The following ATXN1 variants were observed in gnomAD, a reference collection of about 807,000 sequenced individuals.
The protein encoded by ATXN1 is ataxin-1.
Under a neutral mutation model 56.4 loss-of-function variants are expected in ATXN1, and 8 were observed. The observed-to-expected ratio is 0.14, with a 90% confidence interval of 0.08 to 0.26. ATXN1 has a LOEUF of 0.26. ATXN1 is among the 10% of genes least tolerant of loss of function. The pLI is 1.00. For synonymous variants in ATXN1, 514 were observed against 494.6 expected (o/e 1.04, Z -0.52); for missense variants, 987 against 1,106.5 (o/e 0.89, Z 1.53).
intron 6 of ATXN1, among the ~76,000 whole-genome samples, chr6:16,474,814 C>A (rs1202320609): frequency 6.6e-6 from 1 of 150,692 alleles, no homozygotes; most frequent in African/African-American, 2.4e-5. Flanking sequence ...AGGTGCCTAG[C>A]CTGTAGCATA....
chr6:16,445,100 C>T (rs1759605727), intron 6 of ATXN1, among the ~76,000 whole-genome samples: 1 of 152,132 alleles, frequency 6.6e-6, no homozygotes, highest in South Asian at 2.1e-4. Context: ...ACCGAAATGA[C>T]CTTTATTTGG....
At chr6:16,660,826 G>GTTTTTTTT (rs1167182460) in intron 2 of ATXN1, among the ~76,000 whole-genome samples, 7 of 108,092 alleles carry the variant, frequency 6.5e-5, no homozygotes, top group Admixed American at 1.8e-4. Context: ...GGTTTATTTT[G>GTTTTTTTT]TTTTGGTTTT....
chr6:16,747,936 C>T (rs746098125), intron 2 of ATXN1, among the ~76,000 whole-genome samples: 13 of 152,166 alleles, frequency 8.5e-5, no homozygotes, highest in Admixed American at 1.3e-4. Context: ...TTGCGTTCAG[C>T]GCCACACCAC....
rs1002952414 is a variant in ATXN1 at position 16,719,991 on chromosome 6, A to T, written c.-615+33242T>A. Among the ~76,000 whole-genome samples, 7 of 152,282 alleles carry T rather than the reference A, an allele frequency of 4.6e-5. No homozygotes were observed. The East Asian group carries it at 1.3e-3, about 29-fold the overall frequency. On this transcript the variant is annotated intron_variant, in intron 2 of 7. Transcript: ENST00000436367. ...TAACCCACCAAGTTTCTGGTAATTT[A>T]TTAGAGCAGCCCTGGAAAACTAACA... is the stretch of plus-strand genomic sequence containing the variant.
At chr6:16,483,017 C>T (rs1760470894) in intron 6 of ATXN1, among the ~76,000 whole-genome samples, 1 of 151,972 alleles carries the variant, frequency 6.6e-6, no homozygotes, top group Non-Finnish European at 1.5e-5. Flanking sequence ...AAAATGAGTC[C>T]CCATGGTAGA....
chr6:16,585,775 T>C lies in ATXN1; in HGVS notation c.-361+5A>G, dbSNP rs1017554479. ...TTTTCCTTTAAAGCTTTTGGAGATG[T>C]TTACCTGTACCATGTGCTTTCATCA... On this transcript the variant is annotated splice_donor_5th_base_variant and intron_variant, in intron 4 of 7. Transcript: ENST00000436367. The C allele has an allele frequency of 3.3e-5, 5 of 152,184 alleles. No individual in the cohort carries two copies. The highest frequency in any genetic ancestry group is 1.2e-4 in the African/African-American group (5 of 41,440). The allele number at this position is 152,184 out of a possible 1,614,324, so 9.4% of individuals were successfully genotyped here. A position where few individuals can be genotyped will look rare whatever the true frequency, so the allele number is the denominator to read the frequency against.
At chr6:16,536,558 G>T (rs1257200284) in intron 4 of ATXN1, among the ~76,000 whole-genome samples, 2 of 152,162 alleles carry the variant, frequency 1.3e-5, no homozygotes, top group Non-Finnish European at 2.9e-5. Flanking sequence ...TCCCAGGAAA[G>T]ATTTATTTAG....
At chr6:16,719,895 T>C (rs1322899266) in intron 2 of ATXN1, among the ~76,000 whole-genome samples, 1 of 151,838 alleles carries the variant, frequency 6.6e-6, no homozygotes, top group Non-Finnish European at 1.5e-5. Context: ...CGGGAGGGAG[T>C]GTGGCCCGGC....
intron 5 of ATXN1, among the ~76,000 whole-genome samples, chr6:16,490,778 G>A (rs1033641092): frequency 6.6e-6 from 1 of 152,192 alleles, no homozygotes; most frequent in Non-Finnish European, 1.5e-5. Flanking sequence ...TATGACCCAG[G>A]TCTGGGCAAT....
intron 4 of ATXN1, among the ~76,000 whole-genome samples, chr6:16,569,696 G>A (rs1762296559): frequency 6.6e-6 from 1 of 152,060 alleles, no homozygotes; most frequent in Admixed American, 6.5e-5. Flanking sequence ...GGCAGAAACT[G>A]GTTAGTTGTT....
intron 4 of ATXN1, among the ~76,000 whole-genome samples, chr6:16,582,838 G>C (rs886689587): frequency 3.9e-5 from 6 of 152,140 alleles, no homozygotes; most frequent in Admixed American, 1.3e-4. Flanking sequence ...TGATTTTGTA[G>C]TTTGGGAGGA....
chr6:16,631,142 T>C (rs1763496879), intron 3 of ATXN1, among the ~76,000 whole-genome samples: 1 of 152,184 alleles, frequency 6.6e-6, no homozygotes, highest in South Asian at 2.1e-4. Flanking sequence ...TATTCATGTT[T>C]TAAAGCTGAG....
chr6:16,403,496 G>C (rs1758623733), intron 6 of ATXN1, among the ~76,000 whole-genome samples: 1 of 152,174 alleles, frequency 6.6e-6, no homozygotes, highest in Non-Finnish European at 1.5e-5. Context: ...GACTACAGAT[G>C]CATGCCAATA....
intron 5 of ATXN1, among the ~76,000 whole-genome samples, chr6:16,516,380 G>T (rs1293888317): frequency 6.6e-6 from 1 of 152,174 alleles, no homozygotes; most frequent in East Asian, 1.9e-4. Context: ...TATACAAAAA[G>T]CTAAAAGCCA....
At chr6:16,403,329 GA>G (rs1758619579) in intron 6 of ATXN1, among the ~76,000 whole-genome samples, 1 of 152,170 alleles carries the variant, frequency 6.6e-6, no homozygotes. Context: ...CGTTTTCTAA[GA>G]AGAGGAAGTT....
chr6:16,415,304 A>G (rs1397651389), intron 6 of ATXN1, among the ~76,000 whole-genome samples: 1 of 152,102 alleles, frequency 6.6e-6, no homozygotes, highest in African/African-American at 2.4e-5. Flanking sequence ...ATCTCGGCTC[A>G]CTGCAACCTC....
chr6:16,600,322 T>C (rs2113779577), intron 3 of ATXN1, among the ~76,000 whole-genome samples: 1 of 152,338 alleles, frequency 6.6e-6, no homozygotes, highest in African/African-American at 2.4e-5. Flanking sequence ...AACACATCAC[T>C]GATTACATTC....
intron 6 of ATXN1, among the ~76,000 whole-genome samples, chr6:16,331,434 A>C (rs563998787): frequency 3.9e-5 from 6 of 152,234 alleles, no homozygotes; most frequent in East Asian, 3.8e-4. Context: ...AAACGCTCCC[A>C]CATTTCCATA....
At chr6:16,736,320 T>C (rs1425402651) in intron 2 of ATXN1, among the ~76,000 whole-genome samples, 1 of 152,242 alleles carries the variant, frequency 6.6e-6, no homozygotes, top group Non-Finnish European at 1.5e-5. Context: ...TTAAGGCATT[T>C]GCTTTGTGTT....
Sources: gnomAD v4.1 joint callset for allele counts (sites outside exome capture counted in the v4.1 genomes callset) on GRCh38, gnomAD v4.1.1 for gene constraint, MANE v1.5 for transcripts, NCBI Gene and HGNC (gene_info 2026-07-23, HGNC 2026-07-21) for gene names.